FLYWCH1: variants seen among roughly 807,000 people sequenced by gnomAD.
FLYWCH1 encodes FLYWCH-type zinc finger 1.
Under a neutral mutation model 66.4 loss-of-function variants are expected in FLYWCH1, and 75 were observed. The observed-to-expected ratio is 1.13, with a 90% CI of 0.94 to 1.37. The LOEUF (loss-of-function observed/expected upper bound fraction) is 1.37. Among genes scored for constraint, FLYWCH1 ranks in the 40% most tolerant of loss-of-function variants. The pLI is 0.00. For synonymous variants in FLYWCH1, 595 were observed against 429.9 expected (o/e 1.38, Z -4.75); for missense variants, 1,334 against 1,001.8 (o/e 1.33, Z -4.48).
intron 7 of FLYWCH1, among the ~76,000 whole-genome samples, chr16:2,937,608 G>A (rs1366501675): frequency 1.3e-5 from 2 of 152,136 alleles, no homozygotes; most frequent in Non-Finnish European, 2.9e-5. Flanking sequence ...AACCCACTCA[G>A]CTCTCTAGAG....
In FLYWCH1 at chr16:2,948,146, G is replaced by C. The variant is rs114162406; in HGVS notation, c.2112-542G>C. Among the ~76,000 whole-genome samples, 1,004 of 152,306 alleles carry C rather than the reference G, an allele frequency of 6.6e-3. 10 individuals are homozygous for C. The highest frequency in any genetic ancestry group is 0.023 in the African/African-American group (964 of 41,564). On this transcript the variant is annotated intron_variant, in intron 9 of 9. Transcript: ENST00000253928. ...CTAGGGCACGAATTGAAACTTTTTG[G>C]AAGTGTTGGGTGGTTCTCCCCCAAA...
At chr16:2,920,562 A>T (rs895023572) in intron 2 of FLYWCH1, among the ~76,000 whole-genome samples, 1 of 150,334 alleles carries the variant, frequency 6.7e-6, no homozygotes, top group South Asian at 2.1e-4. Flanking sequence ...AATCTGAGTC[A>T]TTCTGACCAT....
rs756744655 is a variant in FLYWCH1 at position 2,937,125 on chromosome 16, C to G, written c.1518C>G (p.Gly506=). 2 of 1,603,346 alleles carry G rather than the reference C, an allele frequency of 1.2e-6. No homozygotes were observed. The highest frequency in any genetic ancestry group is 1.3e-5 in the African/African-American group (1 of 74,562). The change falls in exon 7 of 10, where the codon GGC becomes GGG. Residue 506 remains glycine (G), a synonymous_variant. Coordinates refer to ENST00000253928, the MANE Select transcript of FLYWCH1 (RefSeq NM_001308068.2). ...PNTAQRGSPG[G]PEFLKTPLGG... ...TCCCCTCCCATTTCTCAACAGGAGG[C>G]CCCGAGTTCCTGAAGACGCCCCTGG...
At chr16:2,941,535 G>A (rs2071261214) in intron 9 of FLYWCH1, among the ~76,000 whole-genome samples, 1 of 151,704 alleles carries the variant, frequency 6.6e-6, no homozygotes, top group Admixed American at 6.6e-5. Context: ...AAGCATGATT[G>A]TACCACTGCA....
Position 2,933,567 on chromosome 16 carries a change from A to C in FLYWCH1, c.1234A>C (p.Met412Leu), listed in dbSNP as rs770123760. 1.2e-5 allele frequency: 19 copies of C among 1,596,102 alleles called. No individual in the cohort carries two copies. The East Asian group carries it at 1.6e-4, about 13-fold the overall frequency. Residue 412 changes from methionine to leucine, a missense_variant, in exon 5 of 10, where the codon ATG becomes CTG. By Grantham distance (15) the Met-to-Leu change is conservative. Coordinates refer to ENST00000253928, the MANE Select transcript of FLYWCH1 (RefSeq NM_001308068.2). Reference protein sequence around the residue: ...QPEAPDEHQDMDADPGGPEFL... With the variant: ...QPEAPDEHQDLDADPGGPEFL... ...CGAGGCCCCAGACGAGCACCAGGAC[A>C]TGGACGCAGACCCGGGTGAGCTGCC...
chr16:2,936,605 G>A (rs1296616302), intron 6 of FLYWCH1: 6 of 457,102 alleles, frequency 1.3e-5, no homozygotes, highest in Non-Finnish European at 2.2e-5. Flanking sequence ...GCAAGGCACA[G>A]CCACCCGCCA....
chr16:2,925,863 G>A (rs1408332506), intron 2 of FLYWCH1, among the ~76,000 whole-genome samples: 7 of 152,194 alleles, frequency 4.6e-5, no homozygotes, highest in Non-Finnish European at 1.0e-4. Context: ...CCAGGCCTTC[G>A]GGAGTGGAAT....
chr16:2,941,676 A>G (rs1244516415), intron 9 of FLYWCH1, among the ~76,000 whole-genome samples: 1 of 152,048 alleles, frequency 6.6e-6, no homozygotes, highest in Non-Finnish European at 1.5e-5. Context: ...CAGGAGTTCC[A>G]TACTAGCATG....
At chr16:2,932,354 T>C (rs911542029) in intron 4 of FLYWCH1, among the ~76,000 whole-genome samples, 1 of 150,926 alleles carries the variant, frequency 6.6e-6, no homozygotes, top group African/African-American at 2.4e-5. Context: ...CAGCCCTCCC[T>C]GATGGTAGCT....
At chr16:2,920,653 T>G (rs1301093815) in intron 2 of FLYWCH1, among the ~76,000 whole-genome samples, 1 of 151,792 alleles carries the variant, frequency 6.6e-6, no homozygotes, top group African/African-American at 2.4e-5. Context: ...CGTGAGCTCC[T>G]GCCTCAGCCT....
At chr16:2,938,504 T>C (rs1437562985) in intron 8 of FLYWCH1, 48 bp downstream of exon 8, 1 of 1,490,174 alleles carries the variant, frequency 6.7e-7, no homozygotes. Flanking sequence ...CATCCTCATC[T>C]CTTCCAGCTC....
intron 2 of FLYWCH1, among the ~76,000 whole-genome samples, chr16:2,926,750 C>A (rs1438089062): frequency 6.6e-6 from 1 of 152,070 alleles, no homozygotes; most frequent in Non-Finnish European, 1.5e-5. Context: ...TGTCAATTGG[C>A]CATAAAGCCA....
chr16:2,943,988 T>C (rs973340472), intron 9 of FLYWCH1, among the ~76,000 whole-genome samples: 1 of 152,026 alleles, frequency 6.6e-6, no homozygotes, highest in African/African-American at 2.4e-5. Flanking sequence ...CCCAGCTACT[T>C]CGGAGGCTGA....
At chr16:2,947,759 A>G (rs2071543128) in intron 9 of FLYWCH1, among the ~76,000 whole-genome samples, 1 of 83,988 alleles carries the variant, frequency 1.2e-5, no homozygotes, top group Non-Finnish European at 2.1e-5. Context: ...CAAAACTCTT[A>G]TCTCAAAAAA....
chr16:2,942,535 A>C (rs562660234), intron 9 of FLYWCH1, among the ~76,000 whole-genome samples: 1 of 149,278 alleles, frequency 6.7e-6, no homozygotes, highest in East Asian at 2.0e-4. Context: ...AGTATTTCTT[A>C]GGAACGTAGA....
chr16:2,921,473 G>T, intron 2 of FLYWCH1, among the ~76,000 whole-genome samples: 1 of 151,968 alleles, frequency 6.6e-6, no homozygotes, highest in Non-Finnish European at 1.5e-5. Flanking sequence ...GAGGTGGGAG[G>T]ATCGCTTGAT....
At chr16:2,919,593 T>G (rs1312029585) in intron 2 of FLYWCH1, among the ~76,000 whole-genome samples, 1 of 152,122 alleles carries the variant, frequency 6.6e-6, no homozygotes. Context: ...TGGGGTCATG[T>G]GATGTTGCCC....
intron 2 of FLYWCH1, chr16:2,922,561 C>T (rs1207830333): frequency 3.4e-6 from 1 of 295,234 alleles, no homozygotes; most frequent in South Asian, 3.1e-5. Flanking sequence ...TGGAATCAGA[C>T]AGTGTTTGTC....
chr16:2,945,279 A>G (rs1172023511), intron 9 of FLYWCH1, among the ~76,000 whole-genome samples: 1 of 151,880 alleles, frequency 6.6e-6, no homozygotes, highest in Non-Finnish European at 1.5e-5. Flanking sequence ...CGAGGTCAGG[A>G]GATCAAGACC....
Sources: allele counts gnomAD v4.1 joint callset (sites outside exome capture counted in the v4.1 genomes callset), GRCh38; gene constraint gnomAD v4.1.1; transcripts MANE v1.5; gene names NCBI Gene and HGNC (gene_info 2026-07-23, HGNC 2026-07-21).